PCDH9: variants seen among roughly 807,000 people sequenced by gnomAD.
PCDH9 encodes protocadherin-9.
Under a neutral mutation model 70.6 loss-of-function variants are expected in PCDH9, and 24 were observed. That is an observed-to-expected ratio of 0.34 (90% CI 0.25 to 0.48). The LOEUF is 0.48. PCDH9 is among the 20% of genes least tolerant of loss of function. PCDH9 has a pLI of 0.99. For missense variants in PCDH9, 1,281 were observed against 1,503.6 expected (o/e 0.85, Z 2.45); for synonymous variants, 562 against 558.5 (o/e 1.01, Z -0.09).
intron 4 of PCDH9, among the ~76,000 whole-genome samples, chr13:66,447,449 A>G (rs1958116500): frequency 6.6e-6 from 1 of 152,110 alleles, no homozygotes; most frequent in Admixed American, 6.6e-5. Context: ...TGCCCATATT[A>G]ATGCATCTTC....
At chr13:66,633,530 C>T (rs968571749) in intron 3 of PCDH9, among the ~76,000 whole-genome samples, 37 of 152,096 alleles carry the variant, frequency 2.4e-4, no homozygotes, top group Non-Finnish European at 3.2e-4. Context: ...AAAGACTGTA[C>T]TAGGAACCAC....
chr13:66,523,825 C>A (rs1960101020), intron 4 of PCDH9, among the ~76,000 whole-genome samples: 4 of 151,934 alleles, frequency 2.6e-5, no homozygotes, highest in Non-Finnish European at 5.9e-5. Flanking sequence ...TTATTGAAAA[C>A]AATTTTTTAT....
At chr13:66,598,018 A>C (rs1232977233) in intron 4 of PCDH9, among the ~76,000 whole-genome samples, 1 of 151,856 alleles carries the variant, frequency 6.6e-6, no homozygotes, top group Non-Finnish European at 1.5e-5. Context: ...TCAAAACCAC[A>C]ACAAGATATC....
At position 67,226,511 on chromosome 13, in the gene PCDH9, C is replaced by A. The variant is rs906879137; in HGVS notation, c.1930G>T (p.Asp644Tyr). The A allele has an allele frequency of 1.2e-6, 2 of 1,614,090 alleles. No individual in the cohort carries two copies. Among genetic ancestry groups the A allele is most frequent in the Non-Finnish European group, 1.7e-6 (2 of 1,179,994 alleles). Residue 644 changes from aspartate to tyrosine, a missense_variant, in exon 2 of 5, where the codon GAT becomes TAT. By Grantham distance (160) the Asp-to-Tyr change is radical (BLOSUM62 -3). Around this residue, in one of 4 missense-constraint regions of PCDH9, gnomAD observed 798 missense variants for 1,003.1 expected, o/e 0.80. Coordinates refer to ENST00000377865, the MANE Select transcript of PCDH9 (RefSeq NM_203487.3). This position sits in a 1 kb window ranked among gnomAD's most constrained non-coding sequence, Gnocchi z 5.0. ...DREQQSSYTF[D>Y]VKATDGGQPP... ...TGTCCTCCATCAGTGGCTTTGACATCAAAAGTGTAGGAACTCTGCTGCTCT... is the reference window on the plus strand; with the variant it reads ...TGTCCTCCATCAGTGGCTTTGACATAAAAAGTGTAGGAACTCTGCTGCTCT...
At chr13:66,324,701 G>C (rs539026031) in intron 4 of PCDH9, among the ~76,000 whole-genome samples, 49 of 152,004 alleles carry the variant, frequency 3.2e-4, no homozygotes, top group Admixed American at 7.2e-4. Context: ...AATTGCAAGG[G>C]GAAGTGTAAA....
At chr13:66,363,042 G>A (rs1453760944) in intron 4 of PCDH9, among the ~76,000 whole-genome samples, 7 of 152,120 alleles carry the variant, frequency 4.6e-5, no homozygotes, top group African/African-American at 1.7e-4. Flanking sequence ...AGCCGTGTGC[G>A]GTGGCACACG....
At chr13:66,620,897 A>G (rs1253913800) in intron 4 of PCDH9, among the ~76,000 whole-genome samples, 1 of 152,200 alleles carries the variant, frequency 6.6e-6, no homozygotes, top group Non-Finnish European at 1.5e-5. Flanking sequence ...TCTTGGTTTT[A>G]ATGTCTATCC....
At chr13:66,645,814 G>T (rs1292594032) in intron 3 of PCDH9, among the ~76,000 whole-genome samples, 1 of 152,086 alleles carries the variant, frequency 6.6e-6, no homozygotes, top group Non-Finnish European at 1.5e-5. Context: ...AGTAGTAAAT[G>T]AAATAGAATA....
chr13:66,745,223 A>G (rs970306530), intron 3 of PCDH9, among the ~76,000 whole-genome samples: 1 of 152,172 alleles, frequency 6.6e-6, no homozygotes, highest in Non-Finnish European at 1.5e-5. Flanking sequence ...TGATGATCTG[A>G]ATGATGTCTT....
At chr13:66,894,332 G>A (rs1324184306) in intron 3 of PCDH9, among the ~76,000 whole-genome samples, 1 of 151,952 alleles carries the variant, frequency 6.6e-6, no homozygotes, top group Non-Finnish European at 1.5e-5. Context: ...AACAATTAGA[G>A]TGATTATATT....
At chr13:66,630,898 T>C (rs1271558674) in intron 4 of PCDH9, 2 of 223,196 alleles carry the variant, frequency 9.0e-6, no homozygotes, top group Admixed American at 1.1e-4. Flanking sequence ...TTTGCAGTTC[T>C]AAAATGTGTT....
intron 2 of PCDH9, among the ~76,000 whole-genome samples, chr13:67,175,049 T>C (rs1312540234): frequency 6.6e-6 from 1 of 151,356 alleles, no homozygotes; most frequent in African/African-American, 2.4e-5. Context: ...GATGGGAGGA[T>C]TGCTTGAGCC....
chr13:66,759,709 C>CTGTAACAGG (rs752000759), intron 3 of PCDH9, among the ~76,000 whole-genome samples: 61 of 151,224 alleles, frequency 4.0e-4, no homozygotes, highest in African/African-American at 1.4e-3. Flanking sequence ...CATTTTATAG[C>CTGTAACAGG]TTATAAAAAC....
Position 66,778,377 on chromosome 13 carries a change from C to T in PCDH9, c.3138+125127G>A, listed in dbSNP as rs74482761. On this transcript the variant is annotated intron_variant, in intron 3 of 4. Transcript: ENST00000377865. Reference sequence around the variant, plus strand: ...TCTACAGTAACACTTACAAAAATAGCCCCTGGGTTTGCACTGTAGTTTTAG... The same window carrying T: ...TCTACAGTAACACTTACAAAAATAGTCCCTGGGTTTGCACTGTAGTTTTAG... Among the ~76,000 whole-genome samples, 1,403 of 152,212 alleles carry T rather than the reference C, an allele frequency of 9.2e-3. 44 individuals are homozygous for T. In the South Asian group the frequency reaches 0.11, roughly 12 times the overall value.
At chr13:67,083,626 G>A (rs1009874672) in intron 2 of PCDH9, among the ~76,000 whole-genome samples, 11 of 151,986 alleles carry the variant, frequency 7.2e-5, no homozygotes, top group South Asian at 4.1e-4. Context: ...AAAAATTGAC[G>A]TGAAAATGGT....
chr13:66,712,540 C>A (rs150694862), intron 3 of PCDH9, among the ~76,000 whole-genome samples: 16 of 152,082 alleles, frequency 1.1e-4, no homozygotes, highest in African/African-American at 3.9e-4. Context: ...GTAAATACAA[C>A]ACCTTTTTAT....
chr13:66,975,301 G>T (rs2083595674), intron 2 of PCDH9, among the ~76,000 whole-genome samples: 1 of 152,010 alleles, frequency 6.6e-6, no homozygotes, highest in Non-Finnish European at 1.5e-5. Context: ...TGGGAAGGAA[G>T]ATACAATCCA....
At chr13:67,006,369 G>A (rs2084355737) in intron 2 of PCDH9, among the ~76,000 whole-genome samples, 1 of 152,204 alleles carries the variant, frequency 6.6e-6, no homozygotes, top group South Asian at 2.1e-4. Context: ...AATAGAAATG[G>A]AAGAGGCTTC....
chr13:66,648,333 C>T (rs1052872674), intron 3 of PCDH9, among the ~76,000 whole-genome samples: 1 of 152,156 alleles, frequency 6.6e-6, no homozygotes, highest in African/African-American at 2.4e-5. Flanking sequence ...AGTCACCCCT[C>T]CTCCAGCACC....
Sources: allele counts gnomAD v4.1 joint callset (sites outside exome capture counted in the v4.1 genomes callset), GRCh38; gene constraint gnomAD v4.1.1; regional missense constraint gnomAD v4.1.1; non-coding constraint Gnocchi (gnomAD v3.1); transcripts MANE v1.5; gene names NCBI Gene and HGNC (gene_info 2026-07-23, HGNC 2026-07-21).